ADGRB3: variants seen among roughly 807,000 people sequenced by gnomAD.
The protein encoded by ADGRB3 is brain-specific angiogenesis inhibitor 3.
A neutral mutation model predicts 193.4 loss-of-function variants in ADGRB3; 37 were observed. The ratio of observed to expected loss-of-function variants is 0.19; its 90% CI spans 0.15 to 0.25. The LOEUF is 0.25. ADGRB3 is among the 10% of genes least tolerant of loss of function. ADGRB3 has a pLI of 1.00. For synonymous variants in ADGRB3, 690 were observed against 644.2 expected (o/e 1.07, Z -1.08); for missense variants, 1,637 against 1,852.9 (o/e 0.88, Z 2.14).
At chr6:68,908,639 A>G (rs1025898764) in intron 3 of ADGRB3, among the ~76,000 whole-genome samples, 12 of 152,166 alleles carry the variant, frequency 7.9e-5, no homozygotes, top group African/African-American at 2.7e-4. Context: ...GAATATTTCC[A>G]TTAAGAAGTT....
At chr6:68,914,749 G>A (rs60515918) in intron 3 of ADGRB3, among the ~76,000 whole-genome samples, 63 of 152,308 alleles carry the variant, frequency 4.1e-4, no homozygotes, top group African/African-American at 1.5e-3. Context: ...TGGTTGTTAA[G>A]GGTGAAAATG....
rs1773820636 is a variant in ADGRB3, at chr6:69,125,149, C to A, written c.2480+49111C>A. On this transcript the variant is annotated intron_variant, in intron 17 of 31. Transcript: ENST00000370598. The stretch of plus-strand genomic sequence containing the variant: ...GCAGACCAGCCAATTGCCAACCTAA[C>A]ATCCCTTTTGGACAGTGTTACCTTT... Among the ~76,000 whole-genome samples the A allele has an allele frequency of 2.0e-5, 3 of 152,310 alleles. No individual in the cohort carries two copies. In the South Asian group the frequency reaches 6.2e-4, roughly 32 times the overall value.
intron 29 of ADGRB3, among the ~76,000 whole-genome samples, chr6:69,365,017 G>A (rs762719352): frequency 6.6e-6 from 1 of 152,064 alleles, no homozygotes; most frequent in Non-Finnish European, 1.5e-5. Context: ...GTCAGTGTTT[G>A]TTCTGAATCA....
intron 3 of ADGRB3, among the ~76,000 whole-genome samples, chr6:68,652,465 GCAC>G (rs1561983596): frequency 6.6e-6 from 1 of 152,064 alleles, no homozygotes; most frequent in East Asian, 1.9e-4. Context: ...ATCAAGACAG[GCAC>G]CACATTTCTC....
At chr6:68,740,655 T>C (rs1021800276) in intron 3 of ADGRB3, among the ~76,000 whole-genome samples, 1 of 152,170 alleles carries the variant, frequency 6.6e-6, no homozygotes, top group Non-Finnish European at 1.5e-5. Flanking sequence ...AATTTTTACA[T>C]GTTATTATAA....
chr6:69,364,911 C>A (rs1769536420), intron 29 of ADGRB3, among the ~76,000 whole-genome samples: 1 of 152,080 alleles, frequency 6.6e-6, no homozygotes, highest in Non-Finnish European at 1.5e-5. Flanking sequence ...TATCATGGTT[C>A]TCAAGCACTT....
intron 3 of ADGRB3, among the ~76,000 whole-genome samples, chr6:68,779,901 C>T (rs1251292027): frequency 6.6e-6 from 1 of 152,098 alleles, no homozygotes; most frequent in Non-Finnish European, 1.5e-5. Flanking sequence ...GGAAATAAAA[C>T]CACAGAAGAA....
chr6:69,178,425 G>C (rs926945639), intron 17 of ADGRB3, among the ~76,000 whole-genome samples: 1 of 152,100 alleles, frequency 6.6e-6, no homozygotes, highest in African/African-American at 2.4e-5. Flanking sequence ...TTGCCACTCT[G>C]TGCCTTTTAT....
chr6:68,771,385 T>TAC lies in ADGRB3; in HGVS notation c.757+131979_757+131980dup, dbSNP rs3040851. On this transcript the variant is annotated intron_variant, in intron 3 of 31. Transcript: ENST00000370598. ...CATGCTATGTGTGCTAGGGAATATA[T>TAC]ACACACACACACACACACACACACA... Among the ~76,000 whole-genome samples, 975 of 148,084 alleles carry TAC rather than the reference T, an allele frequency of 6.6e-3. 11 individuals carry two copies. Among genetic ancestry groups the TAC allele is most frequent in the South Asian group, 8.3e-3 (39 of 4,682 alleles).
chr6:68,928,371 A>T (rs547193926), intron 3 of ADGRB3, among the ~76,000 whole-genome samples: 1 of 152,170 alleles, frequency 6.6e-6, no homozygotes, highest in Non-Finnish European at 1.5e-5. Context: ...CAACAACAAC[A>T]AAAACTAAAA....
At chr6:69,005,968 G>C (rs1769737707) in intron 11 of ADGRB3, among the ~76,000 whole-genome samples, 1 of 152,112 alleles carries the variant, frequency 6.6e-6, no homozygotes, top group African/African-American at 2.4e-5. Context: ...CTCAATTGAT[G>C]TGCTGCTTGG....
chr6:69,070,306 C>CT (rs1213158064), intron 16 of ADGRB3, among the ~76,000 whole-genome samples: 1 of 152,038 alleles, frequency 6.6e-6, no homozygotes, highest in East Asian at 1.9e-4. Context: ...AGAGTAACCA[C>CT]TTTATTTCTT....
intron 15 of ADGRB3, among the ~76,000 whole-genome samples, chr6:69,057,586 G>C (rs570993250): frequency 6.6e-6 from 1 of 151,932 alleles, no homozygotes; most frequent in East Asian, 1.9e-4. Context: ...TAAGACCTTT[G>C]CTATGTTGAG....
At chr6:69,178,209 T>G (rs1360024438) in intron 17 of ADGRB3, among the ~76,000 whole-genome samples, 1 of 152,202 alleles carries the variant, frequency 6.6e-6, no homozygotes, top group African/African-American at 2.4e-5. Context: ...TTTTTTACTT[T>G]GGTTGGTTTA....
chr6:69,018,480 C>T lies in ADGRB3; in HGVS notation c.2088C>T (p.Tyr696=), dbSNP rs771647741. Residue 696 remains tyrosine, a synonymous_variant, in exon 13 of 32, where the codon TAC becomes TAT. Transcript: ENST00000370598. The part of the protein sequence containing the change: ...GMGMMDFQNS[Y]LMTGNVVASI... ...GGATGATGGACTTTCAGAATTCATA[C>T]TTAATGACTGGAAATGTAGGTAAGA... The T allele has an allele frequency of 1.2e-6, 2 of 1,603,304 alleles. No individual in the cohort carries two copies. The highest frequency in any genetic ancestry group is 1.1e-5 in the South Asian group (1 of 90,370).
At chr6:69,283,984 C>G (rs970013808) in intron 20 of ADGRB3, among the ~76,000 whole-genome samples, 1 of 152,110 alleles carries the variant, frequency 6.6e-6, no homozygotes, top group Non-Finnish European at 1.5e-5. Flanking sequence ...GAAAAACAAC[C>G]GTGACTCATG....
At chr6:69,371,971 C>T (rs933357907) in intron 29 of ADGRB3, among the ~76,000 whole-genome samples, 2 of 152,052 alleles carry the variant, frequency 1.3e-5, no homozygotes, top group African/African-American at 4.8e-5. Flanking sequence ...GGAAGGAAAA[C>T]TAGAAGTTGG....
At position 69,242,236 on chromosome 6, in the gene ADGRB3, T is replaced by G. The variant is rs529044446; in HGVS notation, c.2814+3010T>G. The stretch of plus-strand genomic sequence containing the variant: ...GTGCATAAACTACAAATAACTATTT[T>G]TTGAAAATGTAAAATATTGTTCAAT... On this transcript the variant is annotated intron_variant, in intron 20 of 31. Coordinates refer to ENST00000370598, the MANE Select transcript of ADGRB3 (RefSeq NM_001704.3). Among the ~76,000 whole-genome samples the G allele has an allele frequency of 1.6e-4, 25 of 152,074 alleles. No homozygotes were observed. The South Asian group carries it at 5.2e-3, about 31-fold the overall frequency.
At chr6:69,335,526 A>G (rs1768827105) in intron 24 of ADGRB3, among the ~76,000 whole-genome samples, 1 of 152,122 alleles carries the variant, frequency 6.6e-6, no homozygotes, top group Admixed American at 6.5e-5. Flanking sequence ...TTCTAATATA[A>G]AGTACTGTTT....
Sources: gnomAD v4.1 joint callset for allele counts (sites outside exome capture counted in the v4.1 genomes callset) on GRCh38, gnomAD v4.1.1 for gene constraint, MANE v1.5 for transcripts, NCBI Gene and HGNC (gene_info 2026-07-23, HGNC 2026-07-21) for gene names.